Variants in BCAS3 observed in about 807,000 individuals in gnomAD.
BCAS3 encodes BCAS4/BCAS3 fusion.
In BCAS3, 53 loss-of-function variants were observed where a neutral mutation model predicts 116.1. The observed-to-expected ratio is 0.46, with a 90% confidence interval of 0.37 to 0.57. The LOEUF is 0.57. Ranked by LOEUF, BCAS3 falls within the 20% of genes least tolerant of loss-of-function variation. The probability of loss-of-function intolerance (pLI) is 0.00; values close to 1 mark genes in which losing one functional copy is unlikely to be tolerated. For missense variants in BCAS3, 917 were observed against 1,165.4 expected (o/e 0.79, Z 3.10); for synonymous variants, 391 against 408.2 (o/e 0.96, Z 0.51).
At chr17:60,862,168 A>C (rs970483348) in intron 7 of BCAS3, among the ~76,000 whole-genome samples, 3 of 152,196 alleles carry the variant, frequency 2.0e-5, no homozygotes, top group Non-Finnish European at 2.9e-5. Context: ...CTGTAGTCCC[A>C]GCTATTCGAG....
At chr17:60,721,387 G>A (rs1310368676) in intron 5 of BCAS3, among the ~76,000 whole-genome samples, 1 of 152,134 alleles carries the variant, frequency 6.6e-6, no homozygotes, top group African/African-American at 2.4e-5. Context: ...GAAATGAAGA[G>A]TAATACTGAA....
intron 22 of BCAS3, among the ~76,000 whole-genome samples, chr17:61,284,322 A>G (rs1231326913): frequency 6.6e-6 from 1 of 151,974 alleles, no homozygotes; most frequent in African/African-American, 2.4e-5. Context: ...GCTGCTGCTC[A>G]CTCTGGGTCC....
intron 7 of BCAS3, among the ~76,000 whole-genome samples, chr17:60,817,994 A>G (rs1395297971): frequency 1.3e-5 from 2 of 151,732 alleles, no homozygotes; most frequent in African/African-American, 4.8e-5. Flanking sequence ...AGCTAGTTCT[A>G]CAGACATGCG....
rs2066199436 is a variant in BCAS3 at position 61,025,764 on chromosome 17, C to G, written c.1638-8902C>G. ...CCTATTTTTCCTTCTACCTCACTTTCTTCTAGTTATCTCTTGCGTGTCTCT... is the reference window on the plus strand; with the variant it reads ...CCTATTTTTCCTTCTACCTCACTTTGTTCTAGTTATCTCTTGCGTGTCTCT... On this transcript the variant is annotated intron_variant, in intron 16 of 23. Transcript: ENST00000407086. Among the ~76,000 whole-genome samples, 3 of 152,128 alleles carry G rather than the reference C, an allele frequency of 2.0e-5. No homozygotes were observed. The South Asian group carries it at 6.2e-4, about 32-fold the overall frequency.
chr17:61,172,493 C>T (rs7212526), intron 22 of BCAS3, among the ~76,000 whole-genome samples: 110,777 of 151,484 alleles, frequency 0.73, 41,571 homozygotes, highest in South Asian at 0.86. Context: ...AATAATTAGC[C>T]GGGCTTAGTG....
chr17:60,765,654 T>C (rs1025696454), intron 6 of BCAS3, among the ~76,000 whole-genome samples: 4 of 152,354 alleles, frequency 2.6e-5, no homozygotes, highest in African/African-American at 9.6e-5. Flanking sequence ...TTGGTGAATC[T>C]GACAATTATG....
chr17:60,831,074 A>G (rs2144723572), intron 7 of BCAS3, among the ~76,000 whole-genome samples: 1 of 151,876 alleles, frequency 6.6e-6, no homozygotes, highest in South Asian at 2.1e-4. Flanking sequence ...CTGGTCTCGA[A>G]CTCCTGAACT....
rs1447184214 is a variant in BCAS3, at chr17:61,056,261, G to A, written c.2029+15369G>A. Among the ~76,000 whole-genome samples, 2 of 152,210 alleles carry A rather than the reference G, an allele frequency of 1.3e-5. No homozygotes were observed. The highest frequency in any genetic ancestry group is 2.4e-5 in the African/African-American group (1 of 41,458). On this transcript the variant is annotated intron_variant, in intron 19 of 23. Coordinates refer to ENST00000407086, the MANE Select transcript of BCAS3 (RefSeq NM_017679.5). The surrounding 1 kb of genome is among the most constrained non-coding windows in gnomAD (Gnocchi z 4.9). ...AACTGTCATGTCCAGAGCTTTACAT[G>A]GTGTCAACTGAAGGACAGCCTTCCG...
chr17:60,797,782 T>C (rs2047349125), intron 6 of BCAS3, among the ~76,000 whole-genome samples: 1 of 152,160 alleles, frequency 6.6e-6, no homozygotes, highest in Admixed American at 6.5e-5. Context: ...GAACACGTGG[T>C]GTTTTAATTA....
rs987601549 is a variant in BCAS3, at chr17:61,021,590, T to A, written c.1637+5689T>A. Reference sequence around the variant, plus strand: ...GATTATAATCTTTTAATCCTTATCATGTATGAGTTTCTACCAGTTCTTTGG... The same window carrying A: ...GATTATAATCTTTTAATCCTTATCAAGTATGAGTTTCTACCAGTTCTTTGG... On this transcript the variant is annotated intron_variant, in intron 16 of 23. Transcript: ENST00000407086. The surrounding 1 kb of genome is among the most constrained non-coding windows in gnomAD (Gnocchi z 4.6). Among the ~76,000 whole-genome samples the A allele has an allele frequency of 2.0e-5, 3 of 152,234 alleles. No individual in the cohort carries two copies. Among genetic ancestry groups the A allele is most frequent in the Non-Finnish European group, 4.4e-5 (3 of 68,044 alleles).
In BCAS3 at chr17:61,131,584, T is replaced by C. The variant is rs1471808553; in HGVS notation, c.2425+47020T>C. Among the ~76,000 whole-genome samples, 1 of 152,224 alleles carries C rather than the reference T, an allele frequency of 6.6e-6. No individual in the cohort carries two copies. Among genetic ancestry groups the C allele is most frequent in the Non-Finnish European group, 1.5e-5 (1 of 68,018 alleles). ...AAACATCGGTCCCTTCCTTCTTCAT[T>C]AATTTATTTCTCCATAAAGGCCTTT... On this transcript the variant is annotated intron_variant, in intron 22 of 23. Coordinates refer to ENST00000407086, the MANE Select transcript of BCAS3 (RefSeq NM_017679.5). The surrounding 1 kb of genome is among the most constrained non-coding windows in gnomAD (Gnocchi z 4.4).
At chr17:60,807,724 G>A (rs1800508551) in intron 6 of BCAS3, among the ~76,000 whole-genome samples, 1 of 151,556 alleles carries the variant, frequency 6.6e-6, no homozygotes, top group African/African-American at 2.4e-5. Context: ...AGAGGTTGCA[G>A]TGAGCTGCGA....
At chr17:60,766,802 G>C (rs1259963377) in intron 6 of BCAS3, among the ~76,000 whole-genome samples, 1 of 152,226 alleles carries the variant, frequency 6.6e-6, no homozygotes, top group Admixed American at 6.5e-5. Context: ...TGTCCCCACA[G>C]GTGGAGTCTA....
At chr17:60,761,365 C>T (rs1024162059) in intron 6 of BCAS3, among the ~76,000 whole-genome samples, 2 of 152,006 alleles carry the variant, frequency 1.3e-5, no homozygotes, top group Admixed American at 6.6e-5. Flanking sequence ...CGCCCCCATG[C>T]CCCCACTCCA....
At position 61,258,938 on chromosome 17, in the gene BCAS3, G is replaced by A. The variant is rs964368679; in HGVS notation, c.2426-109389G>A. ...ACTGACAGATGTTGCAGTGAGCTTT[G>A]AGCTCTTGGGGATTCTTGTTTTGTT... On this transcript the variant is annotated intron_variant, in intron 22 of 23. Transcript: ENST00000407086. The surrounding 1 kb of genome is among the most constrained non-coding windows in gnomAD (Gnocchi z 4.7). Among the ~76,000 whole-genome samples, 3 of 152,164 alleles carry A rather than the reference G, an allele frequency of 2.0e-5. No homozygotes were observed. Among genetic ancestry groups the A allele is most frequent in the African/African-American group, 7.2e-5 (3 of 41,424 alleles).
intron 19 of BCAS3, among the ~76,000 whole-genome samples, chr17:61,045,985 ATATT>A (rs1466738258): frequency 1.4e-3 from 14 of 9,838 alleles, no homozygotes; most frequent in Non-Finnish European, 1.5e-3. Flanking sequence ...TATTATATAT[ATATT>A]TATATATATA....
At chr17:60,741,900 T>C (rs2041586553) in intron 5 of BCAS3, among the ~76,000 whole-genome samples, 1 of 152,208 alleles carries the variant, frequency 6.6e-6, no homozygotes, top group Non-Finnish European at 1.5e-5. Flanking sequence ...AAAAGACATT[T>C]GTGAGAATGT....
chr17:60,944,259 C>T (rs1019067368), intron 13 of BCAS3, among the ~76,000 whole-genome samples: 5 of 151,654 alleles, frequency 3.3e-5, no homozygotes, highest in East Asian at 1.9e-4. Context: ...TTACCAATAT[C>T]GTGAATGAAA....
intron 7 of BCAS3, among the ~76,000 whole-genome samples, chr17:60,809,648 G>A (rs1331878638): frequency 6.6e-6 from 1 of 152,216 alleles, no homozygotes; most frequent in Non-Finnish European, 1.5e-5. Flanking sequence ...AGAAATTACT[G>A]TCTTGATGAC....
Sources: gnomAD v4.1 joint callset for allele counts (sites outside exome capture counted in the v4.1 genomes callset) on GRCh38, gnomAD v4.1.1 for gene constraint, Gnocchi (gnomAD v3.1) non-coding constraint, MANE v1.5 for transcripts, NCBI Gene and HGNC (gene_info 2026-07-23, HGNC 2026-07-21) for gene names.